The following AKAP19 variants were observed in gnomAD, a reference collection of about 807,000 sequenced individuals.
The protein encoded by AKAP19 is A-kinase anchoring protein 19, also known as small A-kinase anchoring protein.
At chr2:190,094,977 C>G in the AKAP19 span, among the ~76,000 whole-genome samples, 3 of 152,216 alleles carry the variant, frequency 2.0e-5, no homozygotes, top group Non-Finnish European at 2.9e-5. Flanking sequence ...GTAATCCCAG[C>G]ACTTTGAGAG....
At chr2:190,067,149 T>C in the AKAP19 span, among the ~76,000 whole-genome samples, 1 of 152,210 alleles carries the variant, frequency 6.6e-6, no homozygotes, top group Non-Finnish European at 1.5e-5. Context: ...AATTGTCATG[T>C]GCAGGCATAT....
chr2:190,166,232 C>CT, the AKAP19 span, among the ~76,000 whole-genome samples: 2 of 146,902 alleles, frequency 1.4e-5, no homozygotes, highest in East Asian at 4.0e-4. Context: ...AATGGGAAAT[C>CT]TTCTGGAAAA....
At chr2:190,073,383 T>C in the AKAP19 span, among the ~76,000 whole-genome samples, 4 of 152,100 alleles carry the variant, frequency 2.6e-5, no homozygotes, top group African/African-American at 7.2e-5. Flanking sequence ...TTTTACAAAA[T>C]AGAGTAAGAA....
At chr2:190,187,552 T>C in the AKAP19 span, among the ~76,000 whole-genome samples, 1 of 151,878 alleles carries the variant, frequency 6.6e-6, no homozygotes, top group Non-Finnish European at 1.5e-5. Flanking sequence ...GGAACACAGC[T>C]ACAAAATGAA....
At chr2:190,015,711 C>G in the AKAP19 span, among the ~76,000 whole-genome samples, 1 of 152,168 alleles carries the variant, frequency 6.6e-6, no homozygotes, top group East Asian at 1.9e-4. Context: ...CTCTGCTTCC[C>G]TTTTATGTAT....
chr2:189,922,520 C>T, the AKAP19 span, among the ~76,000 whole-genome samples: 5 of 152,202 alleles, frequency 3.3e-5, no homozygotes, highest in Non-Finnish European at 5.9e-5. Flanking sequence ...TATGCCTACT[C>T]ACAAAAATTT....
chr2:190,136,211 G>A, the AKAP19 span, among the ~76,000 whole-genome samples: 1 of 152,200 alleles, frequency 6.6e-6, no homozygotes, highest in Non-Finnish European at 1.5e-5. Flanking sequence ...AAGGAGCTAA[G>A]ATTGAATCCT....
chr2:190,006,383 C>T, the AKAP19 span, among the ~76,000 whole-genome samples: 3 of 152,200 alleles, frequency 2.0e-5, no homozygotes, highest in Admixed American at 6.5e-5. Flanking sequence ...CGCGGTGGCT[C>T]ACGCCTGTAA....
the AKAP19 span, among the ~76,000 whole-genome samples, chr2:189,946,398 C>G: frequency 6.6e-6 from 1 of 152,054 alleles, no homozygotes; most frequent in Non-Finnish European, 1.5e-5. Context: ...TTACTTGAGG[C>G]CAGAAGTTCA....
the AKAP19 span, among the ~76,000 whole-genome samples, chr2:190,131,046 C>T: frequency 6.6e-6 from 1 of 152,120 alleles, no homozygotes. Context: ...GCCCCCATTC[C>T]TTGTAACAGG....
the AKAP19 span, among the ~76,000 whole-genome samples, chr2:190,089,854 C>T: frequency 1.3e-5 from 2 of 152,138 alleles, no homozygotes; most frequent in Non-Finnish European, 2.9e-5. Context: ...AGGACTACTC[C>T]AGAGGGGTTC....
At chr2:190,181,280 C>T in the AKAP19 span, 2 of 402,624 alleles carry the variant, frequency 5.0e-6, no homozygotes, top group Admixed American at 1.3e-4. Context: ...CCTCACATCT[C>T]CGTCCCCTAA....
At chr2:189,894,425 T>A in the AKAP19 span, among the ~76,000 whole-genome samples, 2 of 152,106 alleles carry the variant, frequency 1.3e-5, no homozygotes, top group Non-Finnish European at 2.9e-5. Flanking sequence ...ATCCACATCT[T>A]TTGGGCATCC....
chr2:189,882,541 A>G, the AKAP19 span, among the ~76,000 whole-genome samples: 1 of 152,168 alleles, frequency 6.6e-6, no homozygotes, highest in African/African-American at 2.4e-5. Context: ...AAAAGGTTGC[A>G]TTCTTTTGAT....
the AKAP19 span, chr2:189,917,184 A>G: frequency 3.0e-6 from 2 of 664,690 alleles, no homozygotes; most frequent in Admixed American, 6.0e-5. Flanking sequence ...TACATCAATG[A>G]TGCAAGTTTC....
chr2:190,086,508 C>T, the AKAP19 span, among the ~76,000 whole-genome samples: 6 of 152,202 alleles, frequency 3.9e-5, no homozygotes, highest in Non-Finnish European at 8.8e-5. Flanking sequence ...AAAATATGCA[C>T]GATGGTTGCA....
At chr2:189,984,239 C>G in the AKAP19 span, among the ~76,000 whole-genome samples, 1 of 152,158 alleles carries the variant, frequency 6.6e-6, no homozygotes, top group Non-Finnish European at 1.5e-5. Context: ...AGACTGGAGT[C>G]TATCTCACCT....
the AKAP19 span, among the ~76,000 whole-genome samples, chr2:190,155,368 T>C: frequency 6.6e-6 from 1 of 151,730 alleles, no homozygotes; most frequent in African/African-American, 2.4e-5. Flanking sequence ...AAGGAGCCTC[T>C]CCACAGGAAG....
At chr2:190,065,282 G>A in the AKAP19 span, among the ~76,000 whole-genome samples, 144 of 152,234 alleles carry the variant, frequency 9.5e-4, 1 homozygote, top group Middle Eastern at 3.4e-3. Flanking sequence ...GTGGTTGCCA[G>A]GGACTGGGTG....
Sources: allele counts gnomAD v4.1 joint callset (sites outside exome capture counted in the v4.1 genomes callset), GRCh38; gene constraint gnomAD v4.1.1; transcripts MANE v1.5; gene names NCBI Gene and HGNC (gene_info 2026-07-23, HGNC 2026-07-21).